The following NAALADL2 variants were observed in gnomAD, a reference collection of about 807,000 sequenced individuals.
NAALADL2 encodes the protein N-acetylated alpha-linked acidic dipeptidase like 2.
NAALADL2 carries 76 observed loss-of-function variants against 87.2 expected under a neutral mutation model. The observed-to-expected ratio is 0.87, with a 90% CI of 0.72 to 1.05. NAALADL2 has a LOEUF of 1.05. Among genes scored for constraint, NAALADL2 ranks in the 50% least tolerant of loss-of-function variants. The pLI is 0.00. For missense variants in NAALADL2, 1,089 were observed against 945.8 expected (o/e 1.15, Z -1.99); for synonymous variants, 354 against 331.0 (o/e 1.07, Z -0.75).
At chr3:175,357,069 T>C (rs1764462265) in intron 5 of NAALADL2, among the ~76,000 whole-genome samples, 1 of 152,192 alleles carries the variant, frequency 6.6e-6, no homozygotes, top group South Asian at 2.1e-4. Context: ...CAGTGAGTCA[T>C]GGAACCTTTT....
chr3:174,569,167 A>C (rs1714633161), intron 2 of NAALADL2, among the ~76,000 whole-genome samples: 1 of 151,934 alleles, frequency 6.6e-6, no homozygotes, highest in Non-Finnish European at 1.5e-5. Flanking sequence ...TTAGCTAACA[A>C]AAGTTGCAGA....
chr3:175,105,112 C>G (rs777767561), intron 2 of NAALADL2, among the ~76,000 whole-genome samples: 7 of 152,142 alleles, frequency 4.6e-5, no homozygotes, highest in Non-Finnish European at 8.8e-5. Context: ...CTGTAAAATA[C>G]TGTTTGAGAT....
At chr3:174,883,937 A>G (rs1157340961) in intron 1 of NAALADL2, among the ~76,000 whole-genome samples, 1 of 151,992 alleles carries the variant, frequency 6.6e-6, no homozygotes, top group Admixed American at 6.6e-5. Context: ...CCTTACCTCC[A>G]CTGTGGAGTA....
chr3:175,782,914 T>C (rs1256306144), intron 13 of NAALADL2, among the ~76,000 whole-genome samples: 1 of 147,780 alleles, frequency 6.8e-6, no homozygotes, highest in African/African-American at 2.6e-5. Flanking sequence ...AGTTTCAGCT[T>C]TCTACATATG....
intron 3 of NAALADL2, among the ~76,000 whole-genome samples, chr3:174,762,820 T>C (rs1405680753): frequency 1.3e-5 from 2 of 151,894 alleles, no homozygotes; most frequent in East Asian, 3.9e-4. Flanking sequence ...ACAGTGCCAA[T>C]AATAAAAAAA....
chr3:174,994,081 C>T lies in NAALADL2; in HGVS notation c.44-102709C>T, dbSNP rs1287134370. Reference sequence around the variant, plus strand: ...TCTGCAAAGACCCTATTTCCAAATTCGATCACATTCACAGCTTCTGGATAG... The same window carrying T: ...TCTGCAAAGACCCTATTTCCAAATTTGATCACATTCACAGCTTCTGGATAG... On this transcript the variant is annotated intron_variant, in intron 1 of 13. Transcript: ENST00000454872. Among the ~76,000 whole-genome samples the T allele has an allele frequency of 3.3e-5, 5 of 152,282 alleles. No homozygotes were observed. The East Asian group carries it at 5.8e-4, about 18-fold the overall frequency.
At chr3:174,861,908 TTTC>T (rs200477528) in intron 1 of NAALADL2, among the ~76,000 whole-genome samples, 1,669 of 151,992 alleles carry the variant, frequency 0.011, 34 homozygotes, top group African/African-American at 0.038. Flanking sequence ...ATTTTTTTTT[TTTC>T]CTGAATAAAA....
At chr3:175,126,238 T>TA (rs974559440) in intron 2 of NAALADL2, among the ~76,000 whole-genome samples, 3 of 151,790 alleles carry the variant, frequency 2.0e-5, no homozygotes, top group Admixed American at 6.6e-5. Context: ...GAAGAACAGA[T>TA]AAAAGAGGCG....
At chr3:175,305,606 T>C (rs912973637) in intron 4 of NAALADL2, among the ~76,000 whole-genome samples, 4 of 152,124 alleles carry the variant, frequency 2.6e-5, no homozygotes, top group Non-Finnish European at 1.5e-5. Context: ...CACCGCAACC[T>C]CCACCTCCTC....
At chr3:175,689,614 C>T (rs1736776748) in intron 11 of NAALADL2, among the ~76,000 whole-genome samples, 2 of 152,154 alleles carry the variant, frequency 1.3e-5, no homozygotes, top group Admixed American at 6.6e-5. Context: ...CCACGATAAA[C>T]ATTCCCAGTA....
At chr3:174,521,123 A>G (rs972080635) in intron 1 of NAALADL2, among the ~76,000 whole-genome samples, 9 of 152,154 alleles carry the variant, frequency 5.9e-5, no homozygotes, top group African/African-American at 2.2e-4. Context: ...AGAACTAAAA[A>G]TGGAATTATT....
chr3:175,371,826 A>G (rs2148952420), intron 5 of NAALADL2, among the ~76,000 whole-genome samples: 1 of 152,066 alleles, frequency 6.6e-6, no homozygotes. Flanking sequence ...AAAAAAAAAA[A>G]AAGATAACCA....
chr3:174,623,127 A>G (rs143908251), intron 2 of NAALADL2, among the ~76,000 whole-genome samples: 81 of 152,358 alleles, frequency 5.3e-4, no homozygotes, highest in African/African-American at 1.6e-3. Context: ...TTCAAACACA[A>G]TGAAAAATAT....
At chr3:175,640,494 CAG>C (rs1400944376) in intron 11 of NAALADL2, among the ~76,000 whole-genome samples, 1 of 151,930 alleles carries the variant, frequency 6.6e-6, no homozygotes, top group African/African-American at 2.4e-5. Context: ...TCTCCTTGTA[CAG>C]AGAGGAAAAC....
intron 4 of NAALADL2, among the ~76,000 whole-genome samples, chr3:175,266,400 T>C (rs114074363): frequency 0.017 from 2,642 of 151,626 alleles, 65 homozygotes; most frequent in African/African-American, 0.06. Context: ...GAAATATACA[T>C]AGTACAATAG....
intron 11 of NAALADL2, among the ~76,000 whole-genome samples, chr3:175,660,416 G>C (rs557971628): frequency 6.6e-6 from 1 of 152,090 alleles, no homozygotes; most frequent in African/African-American, 2.4e-5. Context: ...GGGAATACAC[G>C]TGATGTTTTG....
At chr3:175,181,777 A>ATGTTTATATATG (rs36191548) in intron 2 of NAALADL2, among the ~76,000 whole-genome samples, 1 of 67,002 alleles carries the variant, frequency 1.5e-5, no homozygotes, top group African/African-American at 4.4e-5. Context: ...GTGTGTATAT[A>ATGTTTATATATG]TGTATATATA....
chr3:175,797,196 TG>T (rs1753604663), intron 13 of NAALADL2, among the ~76,000 whole-genome samples: 1 of 152,158 alleles, frequency 6.6e-6, no homozygotes, highest in Admixed American at 6.5e-5. Flanking sequence ...TTATGTTGTG[TG>T]TGGGTCAGGA....
At chr3:174,578,273 A>C (rs1373468521) in intron 2 of NAALADL2, among the ~76,000 whole-genome samples, 1 of 151,968 alleles carries the variant, frequency 6.6e-6, no homozygotes, top group Non-Finnish European at 1.5e-5. Flanking sequence ...TTTTATATCC[A>C]CAAATTTTAG....
Sources: allele counts gnomAD v4.1 joint callset (sites outside exome capture counted in the v4.1 genomes callset), GRCh38; gene constraint gnomAD v4.1.1; transcripts MANE v1.5; gene names NCBI Gene and HGNC (gene_info 2026-07-23, HGNC 2026-07-21).